Variants in TUBGCP5 observed in about 807,000 individuals in gnomAD.
TUBGCP5 encodes the protein tubulin gamma complex component 5.
A neutral mutation model predicts 134.7 loss-of-function variants in TUBGCP5; 98 were observed. The observed-to-expected ratio is 0.73, with a 90% confidence interval of 0.62 to 0.86. The LOEUF (loss-of-function observed/expected upper bound fraction) is 0.86. Ranked by LOEUF, TUBGCP5 falls within the 40% of genes least tolerant of loss-of-function variation. The pLI, the probability that TUBGCP5 is intolerant of heterozygous loss-of-function variation, is 0.00. For synonymous variants in TUBGCP5, 456 were observed against 431.4 expected (o/e 1.06, Z -0.71); for missense variants, 1,150 against 1,244.8 (o/e 0.92, Z 1.15).
intron 11 of TUBGCP5, among the ~76,000 whole-genome samples, chr15:23,020,257 A>C (rs2065593598): frequency 6.6e-6 from 1 of 152,050 alleles, no homozygotes. Context: ...AAATACAAAA[A>C]TTAGATGGGC....
At chr15:23,030,372 T>C (rs1461760680) in intron 6 of TUBGCP5, among the ~76,000 whole-genome samples, 2 of 152,160 alleles carry the variant, frequency 1.3e-5, no homozygotes, top group Non-Finnish European at 2.9e-5. Context: ...CCGGAATAAA[T>C]GCAGCTGTCC....
At chr15:23,007,538 C>G (rs1234526744) in intron 16 of TUBGCP5, among the ~76,000 whole-genome samples, 1 of 152,186 alleles carries the variant, frequency 6.6e-6, no homozygotes, top group African/African-American at 2.4e-5. Flanking sequence ...GGACTCCCAG[C>G]CCAGTGCAGC....
In TUBGCP5 at chr15:23,039,562, G is replaced by T. The variant is rs747831185; in HGVS notation, c.-19C>A. 7.2e-6 allele frequency: 10 copies of T among 1,387,056 alleles called. No homozygotes were observed. In the Admixed American group the frequency reaches 8.3e-5, roughly 12 times the overall value. 85.9% of individuals were successfully genotyped at this position (1,387,056 alleles called of 1,614,324 possible). A position where few individuals can be genotyped will look rare whatever the true frequency, so the allele number is the denominator to read the frequency against. On this transcript the variant is annotated 5_prime_UTR_variant, in exon 1 of 23. Transcript: ENST00000615383. ...GCGCCATGTTCCGCGCTCCTGCAGC[G>T]CGCGTCTAACGAATTGGTGCCTGTC...
At chr15:23,017,642 C>T (rs1034050118) in intron 13 of TUBGCP5, 131 bp downstream of exon 13, 6 of 892,880 alleles carry the variant, frequency 6.7e-6, no homozygotes, top group African/African-American at 1.7e-5. Context: ...TCAACCATGA[C>T]GATAATTGCC....
At chr15:23,032,861 T>G in intron 3 of TUBGCP5, 37 bp from the exon 4 acceptor site, 1 of 1,449,098 alleles carries the variant, frequency 6.9e-7, no homozygotes, top group South Asian at 1.4e-5. Context: ...TCTCTGAGGT[T>G]GGGAAATGCT....
intron 18 of TUBGCP5, 85 bp from the exon 19 acceptor site, chr15:23,005,695 C>T (rs1037708143): frequency 4.7e-5 from 65 of 1,396,754 alleles, no homozygotes; most frequent in Non-Finnish European, 5.6e-5. Context: ...GAAACACTGA[C>T]GGATGTGGTC....
chr15:22,998,585 A>C (rs1192804180), downstream of TUBGCP5, among the ~76,000 whole-genome samples: 13 of 151,950 alleles, frequency 8.6e-5, no homozygotes, highest in Admixed American at 8.5e-4. Context: ...CAGCCTCCCA[A>C]GTAGCTGGGA....
At chr15:22,986,145 A>AG (rs35522741) in intron 23 of TUBGCP5, among the ~76,000 whole-genome samples, 6 of 87,958 alleles carry the variant, frequency 6.8e-5, no homozygotes, top group Non-Finnish European at 1.6e-4. Flanking sequence ...AAAAAAAAAA[A>AG]AAAATAATAA....
intron 3 of TUBGCP5, among the ~76,000 whole-genome samples, chr15:23,034,173 T>C (rs2066461562): frequency 6.6e-6 from 1 of 152,184 alleles, no homozygotes; most frequent in African/African-American, 2.4e-5. Context: ...CTGCTTTCCT[T>C]TGAAGGCTCT....
rs1567143407 is a variant in TUBGCP5 at position 23,022,075 on chromosome 15, C to A, written c.1255G>T (p.Gly419Ter). 6.2e-7 allele frequency: 1 copy of A among 1,614,182 alleles called. No homozygotes were observed. Among genetic ancestry groups the A allele is most frequent in the Non-Finnish European group, 8.5e-7 (1 of 1,180,022 alleles). The change falls in exon 11 of 23, where the codon GGA becomes TGA. Residue 419 changes from glycine (G) to a stop codon, truncating the protein, a stop_gained. Transcript: ENST00000615383. LOFTEE classifies it high-confidence loss of function. ...LKVLHKVFST[G>*]VAEVPPDTRN... is the part of the protein sequence containing the mutation. ...GTATCAGGTGGAACTTCTGCTACTCCAGTACTAAACACTTTGTGCAGAACC... is the reference window on the plus strand; with the variant it reads ...GTATCAGGTGGAACTTCTGCTACTCAAGTACTAAACACTTTGTGCAGAACC...
chr15:22,984,976 AACAG>A (rs1212331831), intron 23 of TUBGCP5, among the ~76,000 whole-genome samples: 2 of 152,204 alleles, frequency 1.3e-5, no homozygotes, highest in African/African-American at 4.8e-5. Flanking sequence ...CAATACATAT[AACAG>A]ACAGAGAGTT....
At chr15:23,008,624 T>A (rs957116786) in intron 16 of TUBGCP5, 75 bp downstream of exon 16, 3 of 1,435,076 alleles carry the variant, frequency 2.1e-6, no homozygotes, top group Admixed American at 3.5e-5. Flanking sequence ...AAATAATATG[T>A]GTAATTCATA....
Position 22,999,788 on chromosome 15 carries a change from A to C in TUBGCP5, c.*32T>G. 8 of 1,608,100 alleles carry C rather than the reference A, an allele frequency of 5.0e-6. No individual in the cohort carries two copies. The highest frequency in any genetic ancestry group is 6.0e-6 in the Non-Finnish European group (7 of 1,174,548). On this transcript the variant is annotated 3_prime_UTR_variant, in exon 23 of 23. Transcript: ENST00000615383. ...GGTGGAAATGTACATGTATGATGAC[A>C]AAGTCGGAGATATTTATTACGCTGA...
chr15:22,991,522 C>T (rs1049276414), intron 23 of TUBGCP5, among the ~76,000 whole-genome samples: 5 of 152,122 alleles, frequency 3.3e-5, no homozygotes, highest in Admixed American at 2.0e-4. Context: ...ATGAGGGAGG[C>T]GCTGGCGGAG....
At chr15:23,038,752 TAGG>T (rs1595921599) in intron 1 of TUBGCP5, among the ~76,000 whole-genome samples, 1 of 152,176 alleles carries the variant, frequency 6.6e-6, no homozygotes, top group East Asian at 1.9e-4. Context: ...TAAAGAAAAA[TAGG>T]AGATCTCACT....
chr15:23,027,826 T>TAA (rs199774830), intron 6 of TUBGCP5, among the ~76,000 whole-genome samples: 87 of 137,948 alleles, frequency 6.3e-4, no homozygotes, highest in African/African-American at 2.0e-3. Flanking sequence ...GACTAGAAAG[T>TAA]AAAAAAAAAA....
chr15:23,027,329 G>A, intron 6 of TUBGCP5, 23 bp from the exon 7 acceptor site: 1 of 1,598,414 alleles, frequency 6.3e-7, no homozygotes, highest in Non-Finnish European at 8.6e-7. Context: ...AATGTAATCA[G>A]TTTGAGTTAA....
chr15:23,007,620 G>T (rs973330738), intron 16 of TUBGCP5, among the ~76,000 whole-genome samples: 3 of 152,272 alleles, frequency 2.0e-5, no homozygotes, highest in South Asian at 2.1e-4. Context: ...TATGTCACAG[G>T]GGGGCGGGAG....
At chr15:23,032,875 T>C (rs374101095) in intron 3 of TUBGCP5, 51 bp from the exon 4 acceptor site, 6 of 1,339,936 alleles carry the variant, frequency 4.5e-6, no homozygotes, top group Non-Finnish European at 6.1e-6. Flanking sequence ...AAATGCTTTC[T>C]ACACCAGATT....
Sources: gnomAD v4.1 joint callset for allele counts (sites outside exome capture counted in the v4.1 genomes callset) on GRCh38, gnomAD v4.1.1 for gene constraint, MANE v1.5 for transcripts, NCBI Gene and HGNC (gene_info 2026-07-23, HGNC 2026-07-21) for gene names.